ATP2C1: variants seen among roughly 807,000 people sequenced by gnomAD.
ATP2C1 encodes the protein ATPase secretory pathway Ca2+ transporting 1.
A neutral mutation model predicts 120.5 loss-of-function variants in ATP2C1; 31 were observed. That is an observed-to-expected ratio of 0.26 (90% CI 0.19 to 0.35). ATP2C1 has a LOEUF of 0.35. ATP2C1 is among the 10% of genes least tolerant of loss of function. The pLI, the probability that ATP2C1 is intolerant of heterozygous loss-of-function variation, is 1.00. For missense variants in ATP2C1, 731 were observed against 1,107.5 expected (o/e 0.66, Z 4.83); for synonymous variants, 351 against 358.7 (o/e 0.98, Z 0.24).
chr3:130,954,767 G>T (rs931887352), intron 9 of ATP2C1, among the ~76,000 whole-genome samples: 2 of 152,120 alleles, frequency 1.3e-5, no homozygotes, highest in East Asian at 3.9e-4. Context: ...CATTATAGGC[G>T]TGAGCCACAG....
At chr3:130,938,067 A>G (rs1166285344) in intron 6 of ATP2C1, among the ~76,000 whole-genome samples, 1 of 152,204 alleles carries the variant, frequency 6.6e-6, no homozygotes, top group East Asian at 1.9e-4. Context: ...CTTTAAAACA[A>G]TTTCTCATTC....
At chr3:130,916,298 C>T (rs367906653) in intron 2 of ATP2C1, among the ~76,000 whole-genome samples, 10 of 151,364 alleles carry the variant, frequency 6.6e-5, no homozygotes, top group South Asian at 2.1e-4. Flanking sequence ...TGCCTGTAAT[C>T]CCAGCTACTT....
chr3:130,889,714 C>T (rs1022768142), upstream of ATP2C1, among the ~76,000 whole-genome samples: 1 of 131,928 alleles, frequency 7.6e-6, no homozygotes, highest in Admixed American at 8.4e-5. Context: ...GGCATGATTA[C>T]AGCTCACTGC....
intron 27 of ATP2C1, among the ~76,000 whole-genome samples, chr3:130,999,901 A>C (rs1448968961): frequency 3.3e-5 from 5 of 152,156 alleles, no homozygotes; most frequent in Non-Finnish European, 7.4e-5. Context: ...TGATTCTCAA[A>C]TATAGCAAAT....
intron 2 of ATP2C1, among the ~76,000 whole-genome samples, chr3:130,926,822 A>G (rs973252694): frequency 6.6e-6 from 1 of 152,256 alleles, no homozygotes; most frequent in Non-Finnish European, 1.5e-5. Flanking sequence ...TGTGAAACAC[A>G]TTAAACATCT....
intron 2 of ATP2C1, among the ~76,000 whole-genome samples, chr3:130,926,023 AG>A (rs1553759725): frequency 6.6e-6 from 1 of 152,142 alleles, no homozygotes; most frequent in Non-Finnish European, 1.5e-5. Flanking sequence ...GCCGGTTACC[AG>A]GGTGGATACT....
In ATP2C1 at chr3:131,001,619, C is replaced by A. The variant is rs923732958; in HGVS notation, c.*269C>A. On this transcript the variant is annotated 3_prime_UTR_variant, in exon 28 of 28. Transcript: ENST00000510168. The stretch of plus-strand genomic sequence containing the variant: ...ATGGTCAGTTATTTAATTAAAAAGG[C>A]AAAACCTGAACCACCTTCTGCACTT... 4.5e-6 allele frequency: 5 copies of A among 1,121,046 alleles called. No individual in the cohort carries two copies. The African/African-American group carries it at 8.2e-5, about 18-fold the overall frequency. 69.4% of individuals were successfully genotyped at this position (1,121,046 alleles called of 1,614,324 possible).
intron 1 of ATP2C1, among the ~76,000 whole-genome samples, chr3:130,882,354 C>T (rs894160542): frequency 6.6e-6 from 1 of 152,030 alleles, no homozygotes; most frequent in Non-Finnish European, 1.5e-5. Flanking sequence ...CATGCACCAC[C>T]ACACCTGGCT....
upstream of ATP2C1, among the ~76,000 whole-genome samples, chr3:130,891,331 T>C (rs2069160838): frequency 6.6e-6 from 1 of 152,178 alleles, no homozygotes; most frequent in African/African-American, 2.4e-5. Flanking sequence ...AATTTGATAT[T>C]AAAAACAAGA....
At chr3:130,854,116 T>C (rs140889438) in intron 1 of ATP2C1, 369 of 152,322 alleles carry the variant, frequency 2.4e-3, no homozygotes, top group African/African-American at 8.5e-3. Flanking sequence ...ATTCCTGTGA[T>C]ACAGCCATCA....
Position 130,948,729 on chromosome 3 carries a change from G to A in ATP2C1, c.532-5092G>A, listed in dbSNP as rs112189625. On this transcript the variant is annotated intron_variant, in intron 8 of 27. Transcript: ENST00000510168. ...AAAAAAATATATTAATAGATTTGTG[G>A]CAACCCTGTGTCAGGCAAGTCTGTT... Among the ~76,000 whole-genome samples the A allele has an allele frequency of 1.6e-3, 243 of 152,100 alleles. 1 individual carries two copies. The highest frequency in any genetic ancestry group is 2.7e-3 in the Non-Finnish European group (185 of 67,984).
chr3:130,940,938 G>A (rs189858266), intron 7 of ATP2C1, among the ~76,000 whole-genome samples: 1,479 of 90,728 alleles, frequency 0.016, 29 homozygotes, highest in African/African-American at 0.057. Context: ...TTTTTTAGAT[G>A]GAGTCTGGCT....
At chr3:130,980,550 G>C in intron 19 of ATP2C1, 32 bp from the exon 20 acceptor site, 1 of 1,543,392 alleles carries the variant, frequency 6.5e-7, no homozygotes, top group South Asian at 1.1e-5. Context: ...AAACAATTTG[G>C]TTTATTACAT....
chr3:130,912,327 G>A lies in ATP2C1; in HGVS notation c.6+17552G>A, dbSNP rs1288860875. On this transcript the variant is annotated intron_variant, in intron 2 of 27. Coordinates refer to ENST00000510168, the MANE Select transcript of ATP2C1 (RefSeq NM_001378687.1). ...AGAGTGAACAGGAAACCTACAAAAT[G>A]GGAGAAAATTTTCGCAACCTACTCA... is the stretch of plus-strand genomic sequence containing the variant. Among the ~76,000 whole-genome samples, 10 of 150,846 alleles carry A rather than the reference G, an allele frequency of 6.6e-5. 1 individual carries two copies. The South Asian group carries it at 1.5e-3, about 22-fold the overall frequency.
chr3:130,940,756 C>A (rs1576803942), intron 7 of ATP2C1, 65 bp downstream of exon 7: 1 of 1,187,048 alleles, frequency 8.4e-7, no homozygotes, highest in Non-Finnish European at 1.3e-6. Flanking sequence ...GTGACTAGTA[C>A]CGTACATATT....
chr3:130,892,819 T>G (rs1260153588), upstream of ATP2C1, among the ~76,000 whole-genome samples: 1 of 145,850 alleles, frequency 6.9e-6, no homozygotes, highest in East Asian at 2.0e-4. Context: ...TCTAGAAAGC[T>G]GTCCAGAATT....
chr3:130,884,113 G>A (rs1559881691), intron 1 of ATP2C1, among the ~76,000 whole-genome samples: 2 of 151,304 alleles, frequency 1.3e-5, no homozygotes, highest in South Asian at 2.1e-4. Context: ...GCTAATTTTT[G>A]TACTTTTAGT....
intron 20 of ATP2C1, among the ~76,000 whole-genome samples, chr3:130,981,104 T>C (rs1418741005): frequency 6.6e-6 from 1 of 152,126 alleles, no homozygotes; most frequent in Admixed American, 6.6e-5. Flanking sequence ...GTTCTGAACA[T>C]TGAGTGATGC....
At chr3:130,978,195 A>G (rs540513471) in intron 18 of ATP2C1, among the ~76,000 whole-genome samples, 4 of 152,166 alleles carry the variant, frequency 2.6e-5, no homozygotes, top group Non-Finnish European at 5.9e-5. Context: ...CAAGGGTGAA[A>G]GCCTTTGGAG....
Sources: gnomAD v4.1 joint callset for allele counts (sites outside exome capture counted in the v4.1 genomes callset) on GRCh38, gnomAD v4.1.1 for gene constraint, MANE v1.5 for transcripts, NCBI Gene and HGNC (gene_info 2026-07-23, HGNC 2026-07-21) for gene names.